CSMD1: variants seen among roughly 807,000 people sequenced by gnomAD.
CSMD1 encodes the protein CUB and Sushi multiple domains 1.
A neutral mutation model predicts 417.5 loss-of-function variants in CSMD1; 213 were observed. That is an observed-to-expected ratio of 0.51 (90% CI 0.46 to 0.57). CSMD1 has a LOEUF of 0.57. Among genes scored for constraint, CSMD1 ranks in the 20% least tolerant of loss-of-function variants. The probability of loss-of-function intolerance (pLI) is 0.00; values close to 1 mark genes in which losing one functional copy is unlikely to be tolerated. For synonymous variants in CSMD1, 2,862 were observed against 1,736.8 expected, an observed-to-expected ratio of 1.65 and a Z score of -16.11; for missense variants, 6,923 against 4,529.7, an observed-to-expected ratio of 1.53 and a Z score of -15.17.
At position 2,936,387 on chromosome 8, in the gene CSMD1, A is replaced by ATATG. The variant is rs1801486185; in HGVS notation, c.*2197_*2198insCATA. The ATATG allele has an allele frequency of 1.4e-5, 2 of 147,954 alleles. No homozygotes were observed. The highest frequency in any genetic ancestry group is 2.0e-4 in the East Asian group (1 of 4,966). 9.2% of individuals were successfully genotyped at this position (147,954 alleles called of 1,614,324 possible). A position where few individuals can be genotyped will look rare whatever the true frequency, so the allele number is the denominator to read the frequency against. On this transcript the variant is annotated 3_prime_UTR_variant, in exon 70 of 70. Transcript: ENST00000635120. ...ATATGTACAATATATATATATATAT[A>ATATG]TGTATGTATATATATACACTAATAT...
intron 3 of CSMD1, among the ~76,000 whole-genome samples, chr8:4,351,752 A>G (rs1040976620): frequency 1.3e-5 from 2 of 152,132 alleles, no homozygotes; most frequent in African/African-American, 4.8e-5. Flanking sequence ...AGCAAGACCC[A>G]CTTGAGAAGA....
At chr8:4,500,165 A>G (rs1802184792) in intron 2 of CSMD1, among the ~76,000 whole-genome samples, 1 of 152,144 alleles carries the variant, frequency 6.6e-6, no homozygotes, top group African/African-American at 2.4e-5. Flanking sequence ...AAAAGTATAA[A>G]GAGGCTGGGA....
chr8:3,743,685 T>C (rs1359697802), intron 6 of CSMD1, among the ~76,000 whole-genome samples: 2 of 152,190 alleles, frequency 1.3e-5, no homozygotes, highest in Admixed American at 6.5e-5. Flanking sequence ...CACTTCTCCG[T>C]ATTTTTTCCC....
At chr8:4,490,354 G>A (rs931739708) in intron 2 of CSMD1, among the ~76,000 whole-genome samples, 1 of 152,092 alleles carries the variant, frequency 6.6e-6, no homozygotes, top group Non-Finnish European at 1.5e-5. Flanking sequence ...TATCTTGTAA[G>A]TGCAACCATT....
chr8:4,796,001 A>G (rs755159011), intron 1 of CSMD1, among the ~76,000 whole-genome samples: 5 of 152,200 alleles, frequency 3.3e-5, no homozygotes, highest in Non-Finnish European at 7.3e-5. Context: ...TAAAGCAAAG[A>G]AACAAATACA....
chr8:4,958,130 C>T (rs1490327639), intron 1 of CSMD1, among the ~76,000 whole-genome samples: 1 of 151,258 alleles, frequency 6.6e-6, no homozygotes, highest in African/African-American at 2.4e-5. Flanking sequence ...TCTTTCCTGT[C>T]CTTAGAACAT....
At chr8:4,062,996 A>T (rs571463740) in intron 3 of CSMD1, among the ~76,000 whole-genome samples, 1 of 152,204 alleles carries the variant, frequency 6.6e-6, no homozygotes, top group Non-Finnish European at 1.5e-5. Context: ...TAATCCAGAC[A>T]CTTATTAAGA....
At chr8:3,612,257 C>T (rs1801932071) in intron 8 of CSMD1, among the ~76,000 whole-genome samples, 1 of 151,876 alleles carries the variant, frequency 6.6e-6, no homozygotes, top group Non-Finnish European at 1.5e-5. Context: ...AAATACACAG[C>T]AATTTTAAAC....
intron 3 of CSMD1, among the ~76,000 whole-genome samples, chr8:4,076,461 T>G (rs1473997469): frequency 6.6e-6 from 1 of 152,186 alleles, no homozygotes; most frequent in African/African-American, 2.4e-5. Context: ...TTAACTGTAA[T>G]AGTGACAGCA....
chr8:4,575,848 T>C (rs1045011484), intron 2 of CSMD1, among the ~76,000 whole-genome samples: 1 of 152,162 alleles, frequency 6.6e-6, no homozygotes, highest in Non-Finnish European at 1.5e-5. Flanking sequence ...ATCATCTCAG[T>C]CGCCTTCTAA....
intron 1 of CSMD1, among the ~76,000 whole-genome samples, chr8:4,949,111 T>A (rs1808562852): frequency 6.6e-6 from 1 of 152,158 alleles, no homozygotes; most frequent in African/African-American, 2.4e-5. Context: ...GTAAATGTGG[T>A]AAATGGTAAA....
chr8:3,676,052 GTCA>G (rs1166796258), intron 7 of CSMD1, among the ~76,000 whole-genome samples: 1 of 152,214 alleles, frequency 6.6e-6, no homozygotes. Flanking sequence ...GGCATAGGAA[GTCA>G]TCATTTGATT....
intron 6 of CSMD1, among the ~76,000 whole-genome samples, chr8:3,718,377 C>T (rs554452885): frequency 6.6e-6 from 1 of 152,036 alleles, no homozygotes; most frequent in African/African-American, 2.4e-5. Flanking sequence ...ACTACATTAT[C>T]AAATTTTATT....
intron 1 of CSMD1, among the ~76,000 whole-genome samples, chr8:4,680,567 C>A (rs1266182731): frequency 6.6e-6 from 1 of 151,998 alleles, no homozygotes; most frequent in African/African-American, 2.4e-5. Context: ...AGGGGGCCAC[C>A]ACATTCTAAG....
intron 2 of CSMD1, among the ~76,000 whole-genome samples, chr8:4,522,381 C>G (rs1360408192): frequency 6.6e-6 from 1 of 152,140 alleles, no homozygotes; most frequent in Non-Finnish European, 1.5e-5. Flanking sequence ...ATGCCTTTAT[C>G]AGCAGCGTTA....
intron 6 of CSMD1, among the ~76,000 whole-genome samples, chr8:3,744,534 G>A (rs892236952): frequency 3.3e-5 from 5 of 152,100 alleles, no homozygotes; most frequent in East Asian, 1.9e-4. Context: ...CCAAAGATTC[G>A]TTTCTTTATT....
At chr8:3,197,616 C>G (rs6558731) in intron 33 of CSMD1, among the ~76,000 whole-genome samples, 25 of 151,204 alleles carry the variant, frequency 1.7e-4, no homozygotes, top group African/African-American at 5.4e-4. Context: ...CAGGTGCCCG[C>G]CACCACGCCC....
At chr8:4,474,073 G>C (rs1438602511) in intron 2 of CSMD1, among the ~76,000 whole-genome samples, 1 of 152,118 alleles carries the variant, frequency 6.6e-6, no homozygotes, top group Non-Finnish European at 1.5e-5. Context: ...AACGTATAAT[G>C]TATGCAATTA....
At chr8:3,912,622 G>C (rs1808537116) in intron 5 of CSMD1, among the ~76,000 whole-genome samples, 1 of 152,118 alleles carries the variant, frequency 6.6e-6, no homozygotes, top group South Asian at 2.1e-4. Flanking sequence ...AAGGTGAATT[G>C]CACCCAGTGT....
Sources: gnomAD v4.1 joint callset for allele counts (sites outside exome capture counted in the v4.1 genomes callset) on GRCh38, gnomAD v4.1.1 for gene constraint, MANE v1.5 for transcripts, NCBI Gene and HGNC (gene_info 2026-07-23, HGNC 2026-07-21) for gene names.